Variants in NR6A1 observed in about 807,000 individuals in gnomAD.
NR6A1 encodes retinoic acid receptor-related testis-associated receptor.
A neutral mutation model predicts 59.1 loss-of-function variants in NR6A1; 7 were observed. The observed-to-expected ratio is 0.12, with a 90% CI of 0.07 to 0.22. The LOEUF (loss-of-function observed/expected upper bound fraction) is 0.22, where lower values mean the gene tolerates loss of function less well. NR6A1 is among the 10% of genes least tolerant of loss of function. The pLI is 1.00. For missense variants in NR6A1, 468 were observed against 611.6 expected, an observed-to-expected ratio of 0.77 and a Z score of 2.48; for synonymous variants, 243 against 236.1, an observed-to-expected ratio of 1.03 and a Z score of -0.27.
intron 2 of NR6A1, among the ~76,000 whole-genome samples, chr9:124,591,126 C>T (rs146880856): frequency 3.3e-4 from 51 of 152,276 alleles, no homozygotes; most frequent in African/African-American, 1.1e-3. Context: ...TGTTGCTTAC[C>T]GAATGGAGGC....
Position 124,540,056 on chromosome 9 carries a change from T to C in NR6A1, c.573A>G (p.Ser191=). The part of the protein sequence containing the change: ...GNRASESNQP[S]PGSTLSSSRS... ...ACCTGGAAGACAGTGTGGAGCCTGG[T>C]GAGGGCTGGTTGCTCTCCGAAGCCC... The change falls in exon 5 of 10, where the codon TCA becomes TCG. Residue 191 remains serine (S), a synonymous_variant. Coordinates refer to ENST00000487099, the MANE Select transcript of NR6A1 (RefSeq NM_033334.4). The C allele has an allele frequency of 3.7e-6, 6 of 1,602,776 alleles. No individual in the cohort carries two copies. The highest frequency in any genetic ancestry group is 4.2e-6 in the Non-Finnish European group (5 of 1,178,636).
At chr9:124,706,811 C>G (rs974972554) in intron 2 of NR6A1, among the ~76,000 whole-genome samples, 13 of 152,172 alleles carry the variant, frequency 8.5e-5, no homozygotes. Flanking sequence ...CCACCTCGCC[C>G]GGCCAACAAT....
At chr9:124,543,706 CA>C in intron 4 of NR6A1, 95 bp downstream of exon 4, 1 of 887,804 alleles carries the variant, frequency 1.1e-6, no homozygotes, top group Non-Finnish European at 1.7e-6. Context: ...TGGCTCTCCT[CA>C]GCAGCAGATG....
rs71492418 is a variant in NR6A1, at chr9:124,624,912, G to GTT, written c.143-70344_143-70343dup. On this transcript the variant is annotated intron_variant, in intron 2 of 9. Transcript: ENST00000487099. The stretch of plus-strand genomic sequence containing the variant: ...ACATTACTTTTTCTGTTGCTAGCTT[G>GTT]TTTTTTTTTTTTTTTTTCTACCAAC... Among the ~76,000 whole-genome samples, 612 of 134,824 alleles carry GTT rather than the reference G, an allele frequency of 4.5e-3. 13 individuals carry two copies. Among genetic ancestry groups the GTT allele is most frequent in the African/African-American group, 0.011 (387 of 36,788 alleles). 88.4% of individuals were successfully genotyped at this position (134,824 alleles called of 152,430 possible).
Position 124,595,945 on chromosome 9 carries a change from C to G in NR6A1, c.143-41375G>C, listed in dbSNP as rs969911457. 5.8e-6 allele frequency: 3 copies of G among 514,364 alleles called. No homozygotes were observed. The African/African-American group carries it at 6.0e-5, about 10-fold the overall frequency. 31.9% of individuals were successfully genotyped at this position (514,364 alleles called of 1,614,324 possible). On this transcript the variant is annotated intron_variant, in intron 2 of 9. Coordinates refer to ENST00000487099, the MANE Select transcript of NR6A1 (RefSeq NM_033334.4). ...TGGTCATGTGATTGCAAAGTTCAGG[C>G]TCTAAGGTCACAACGTGTACGGAGT... is the stretch of plus-strand genomic sequence containing the variant.
At chr9:124,611,749 TAGAGAGAG>T (rs34197337) in intron 2 of NR6A1, among the ~76,000 whole-genome samples, 16 of 91,496 alleles carry the variant, frequency 1.7e-4, no homozygotes, top group African/African-American at 3.6e-4. Flanking sequence ...GACCCTGTCT[TAGAGAGAG>T]AGAGAGAGAG....
chr9:124,581,950 T>C (rs759661738), intron 2 of NR6A1, among the ~76,000 whole-genome samples: 9 of 152,146 alleles, frequency 5.9e-5, no homozygotes, highest in South Asian at 2.1e-4. Flanking sequence ...CGTGGAGAAA[T>C]AGGAATGCTT....
chr9:124,682,253 C>T (rs968609073), intron 2 of NR6A1, among the ~76,000 whole-genome samples: 3 of 152,126 alleles, frequency 2.0e-5, no homozygotes, highest in East Asian at 1.9e-4. Context: ...CCACCCACCT[C>T]GGCCTCCCAG....
intron 2 of NR6A1, among the ~76,000 whole-genome samples, chr9:124,657,048 C>G (rs1837280052): frequency 6.6e-6 from 1 of 151,712 alleles, no homozygotes; most frequent in Non-Finnish European, 1.5e-5. Flanking sequence ...AAAATTATTA[C>G]AACAGTCAAT....
At chr9:124,550,829 C>G (rs1833759075) in intron 3 of NR6A1, among the ~76,000 whole-genome samples, 1 of 152,132 alleles carries the variant, frequency 6.6e-6, no homozygotes, top group South Asian at 2.1e-4. Flanking sequence ...AGCCACTAAG[C>G]CTGGCCTCCT....
intron 2 of NR6A1, among the ~76,000 whole-genome samples, chr9:124,636,630 T>C (rs1430696090): frequency 6.6e-6 from 1 of 152,210 alleles, no homozygotes; most frequent in Non-Finnish European, 1.5e-5. Context: ...TTTTTTTGCA[T>C]ATTGATGTCT....
intron 2 of NR6A1, among the ~76,000 whole-genome samples, chr9:124,691,365 C>T (rs927261646): frequency 4.6e-5 from 7 of 152,102 alleles, no homozygotes; most frequent in African/African-American, 1.7e-4. Flanking sequence ...AATTTGAGAC[C>T]AGTCAGCCTT....
intron 2 of NR6A1, among the ~76,000 whole-genome samples, chr9:124,613,763 A>T (rs2130847521): frequency 6.6e-6 from 1 of 152,332 alleles, no homozygotes; most frequent in Non-Finnish European, 1.5e-5. Flanking sequence ...TACAAAGAAC[A>T]TTACTGGCAT....
At chr9:124,700,329 G>A (rs1364498413) in intron 2 of NR6A1, among the ~76,000 whole-genome samples, 2 of 151,572 alleles carry the variant, frequency 1.3e-5, no homozygotes, top group Non-Finnish European at 2.9e-5. Context: ...AGAGTAGCTG[G>A]GACTACAGGC....
intron 2 of NR6A1, among the ~76,000 whole-genome samples, chr9:124,643,033 GAT>G (rs1439202133): frequency 8.3e-6 from 1 of 120,666 alleles, no homozygotes; most frequent in African/African-American, 3.1e-5. Flanking sequence ...AGCTTTTTAT[GAT>G]TTTAGCTTTA....
At position 124,650,024 on chromosome 9, in the gene NR6A1, T is replaced by C. The variant is rs190877332; in HGVS notation, c.142+83284A>G. Among the ~76,000 whole-genome samples, 136 of 152,308 alleles carry C rather than the reference T, an allele frequency of 8.9e-4. 1 individual carries two copies. The highest frequency in any genetic ancestry group is 2.9e-3 in the African/African-American group (120 of 41,568). On this transcript the variant is annotated intron_variant, in intron 2 of 9. Coordinates refer to ENST00000487099, the MANE Select transcript of NR6A1 (RefSeq NM_033334.4). ...TTAGTTCACCCATTATGGAAAACAG[T>C]ATGGAAGTTCCTCAAATAACTAAAA... is the stretch of plus-strand genomic sequence containing the variant.
intron 2 of NR6A1, among the ~76,000 whole-genome samples, chr9:124,634,074 T>C (rs1242447335): frequency 1.3e-5 from 2 of 152,242 alleles, no homozygotes; most frequent in African/African-American, 4.8e-5. Context: ...ATAATCCGAA[T>C]TGTATTTGTA....
intron 2 of NR6A1, among the ~76,000 whole-genome samples, chr9:124,676,785 G>T (rs187496409): frequency 4.6e-5 from 7 of 152,284 alleles, no homozygotes; most frequent in African/African-American, 1.4e-4. Flanking sequence ...AAATAGTAAT[G>T]TCACCGTTTG....
At chr9:124,722,686 C>CATCT (rs1839597550) in intron 2 of NR6A1, among the ~76,000 whole-genome samples, 1 of 152,142 alleles carries the variant, frequency 6.6e-6, no homozygotes, top group African/African-American at 2.4e-5. Context: ...CCTTGGTGGG[C>CATCT]ATCTACCAAT....
Sources: allele counts gnomAD v4.1 joint callset (sites outside exome capture counted in the v4.1 genomes callset), GRCh38; gene constraint gnomAD v4.1.1; transcripts MANE v1.5; gene names NCBI Gene and HGNC (gene_info 2026-07-23, HGNC 2026-07-21).